SLC2A13: variants seen among roughly 807,000 people sequenced by gnomAD.
SLC2A13 encodes the protein solute carrier family 2 member 13.
A neutral mutation model predicts 64.4 loss-of-function variants in SLC2A13; 32 were observed. The observed-to-expected ratio is 0.50, with a 90% confidence interval of 0.37 to 0.67. The LOEUF (loss-of-function observed/expected upper bound fraction) is 0.67. Among genes scored for constraint, SLC2A13 ranks in the 30% least tolerant of loss-of-function variants. The pLI is 0.00. For missense variants in SLC2A13, 743 were observed against 829.2 expected, an observed-to-expected ratio of 0.90 and a Z score of 1.28; for synonymous variants, 338 against 327.1, an observed-to-expected ratio of 1.03 and a Z score of -0.36.
intron 4 of SLC2A13, among the ~76,000 whole-genome samples, chr12:39,883,109 T>G (rs536313556): frequency 1.3e-5 from 2 of 152,210 alleles, no homozygotes; most frequent in Non-Finnish European, 2.9e-5. Flanking sequence ...TTTTAAAGTA[T>G]ATAATTCAGT....
At chr12:40,039,746 TC>T (rs1423035244) in intron 2 of SLC2A13, among the ~76,000 whole-genome samples, 2 of 152,184 alleles carry the variant, frequency 1.3e-5, no homozygotes, top group African/African-American at 4.8e-5. Flanking sequence ...ATGCATAGCC[TC>T]CCCAATTATC....
At chr12:40,031,140 G>C (rs1456825903) in intron 2 of SLC2A13, among the ~76,000 whole-genome samples, 1 of 152,198 alleles carries the variant, frequency 6.6e-6, no homozygotes, top group Admixed American at 6.5e-5. Context: ...ATGACAGAGA[G>C]GACACAGGAA....
intron 6 of SLC2A13, among the ~76,000 whole-genome samples, chr12:39,831,943 A>C (rs1213727019): frequency 6.6e-6 from 1 of 152,164 alleles, no homozygotes; most frequent in Admixed American, 6.6e-5. Flanking sequence ...AGTCTCAGGT[A>C]TTCCTTTATA....
intron 4 of SLC2A13, among the ~76,000 whole-genome samples, chr12:39,928,976 T>C (rs759289382): frequency 6.6e-6 from 1 of 152,170 alleles, no homozygotes; most frequent in Non-Finnish European, 1.5e-5. Context: ...CAAGATCCTT[T>C]GCCCTCCCCA....
intron 7 of SLC2A13, among the ~76,000 whole-genome samples, chr12:39,783,808 C>T (rs545612365): frequency 8.5e-5 from 13 of 152,118 alleles, no homozygotes; most frequent in African/African-American, 2.7e-4. Flanking sequence ...GATGACATGA[C>T]TGTATATTTA....
intron 6 of SLC2A13, among the ~76,000 whole-genome samples, chr12:39,852,890 T>A (rs936299515): frequency 1.3e-5 from 2 of 152,188 alleles, no homozygotes; most frequent in African/African-American, 4.8e-5. Context: ...TGTGGGCCAC[T>A]CCTTCATTCA....
chr12:40,045,894 CTTTT>C (rs540180064), intron 2 of SLC2A13, among the ~76,000 whole-genome samples: 3 of 152,126 alleles, frequency 2.0e-5, no homozygotes, highest in Non-Finnish European at 4.4e-5. Context: ...CACTTTAAAT[CTTTT>C]TTTCTCTAGT....
At chr12:40,093,385 T>G (rs1938829909) in intron 1 of SLC2A13, among the ~76,000 whole-genome samples, 1 of 152,176 alleles carries the variant, frequency 6.6e-6, no homozygotes, top group Non-Finnish European at 1.5e-5. Context: ...ATTAAATATT[T>G]ACTAGATGCC....
At position 39,825,765 on chromosome 12, in the gene SLC2A13, T is replaced by G. The variant is rs561909799; in HGVS notation, c.1445+4338A>C. Among the ~76,000 whole-genome samples, 12 of 152,302 alleles carry G rather than the reference T, an allele frequency of 7.9e-5. No homozygotes were observed. In the South Asian group the frequency reaches 2.3e-3, roughly 29 times the overall value. On this transcript the variant is annotated intron_variant, in intron 7 of 9. Coordinates refer to ENST00000280871, the MANE Select transcript of SLC2A13 (RefSeq NM_052885.4). ...TTTTATTAGTCTTCTTTAAGAACTTTTATTTTTTGATCCTTCCGAGTATTT... is the reference window on the plus strand; with the variant it reads ...TTTTATTAGTCTTCTTTAAGAACTTGTATTTTTTGATCCTTCCGAGTATTT...
intron 6 of SLC2A13, 24 bp from the exon 7 acceptor site, chr12:39,830,252 T>A: frequency 6.2e-7 from 1 of 1,606,934 alleles, no homozygotes; most frequent in Non-Finnish European, 8.5e-7. Flanking sequence ...AGAGTTACCG[T>A]CATGTTGGCA....
intron 7 of SLC2A13, among the ~76,000 whole-genome samples, chr12:39,804,924 GAGAA>G (rs1286729129): frequency 6.6e-6 from 1 of 152,190 alleles, no homozygotes; most frequent in Non-Finnish European, 1.5e-5. Flanking sequence ...ATGCTGGGCA[GAGAA>G]AGAAAACACT....
At chr12:39,769,227 C>T (rs1940472193) in intron 7 of SLC2A13, among the ~76,000 whole-genome samples, 1 of 152,044 alleles carries the variant, frequency 6.6e-6, no homozygotes, top group African/African-American at 2.4e-5. Context: ...TCAACTATTG[C>T]CTCAATTAAT....
intron 2 of SLC2A13, among the ~76,000 whole-genome samples, chr12:40,037,530 G>A (rs1267213250): frequency 6.6e-6 from 1 of 150,700 alleles, no homozygotes; most frequent in Non-Finnish European, 1.5e-5. Context: ...GAGCTGGGAG[G>A]ATCCCTTGAG....
At chr12:39,981,342 A>G (rs1479716291) in intron 3 of SLC2A13, among the ~76,000 whole-genome samples, 1 of 152,082 alleles carries the variant, frequency 6.6e-6, no homozygotes, top group Non-Finnish European at 1.5e-5. Context: ...AACTGAAGGA[A>G]ATAGAGACAC....
At chr12:39,976,583 T>G (rs1946763261) in intron 3 of SLC2A13, among the ~76,000 whole-genome samples, 1 of 151,984 alleles carries the variant, frequency 6.6e-6, no homozygotes, top group Admixed American at 6.6e-5. Flanking sequence ...TTTTAAAGAC[T>G]GGGGGGGTCT....
chr12:39,883,213 A>AT (rs1278818005), intron 4 of SLC2A13, among the ~76,000 whole-genome samples: 16 of 152,078 alleles, frequency 1.1e-4, no homozygotes, highest in Non-Finnish European at 1.3e-4. Flanking sequence ...GATTAAAGAA[A>AT]TTTTTTTTAA....
chr12:39,807,303 C>G (rs190036964), intron 7 of SLC2A13, among the ~76,000 whole-genome samples: 38 of 152,192 alleles, frequency 2.5e-4, no homozygotes, highest in Admixed American at 2.4e-3. Context: ...ACACACAAGC[C>G]TACATATGAT....
intron 4 of SLC2A13, among the ~76,000 whole-genome samples, chr12:39,878,718 G>C (rs1450886234): frequency 6.6e-6 from 1 of 152,236 alleles, no homozygotes; most frequent in Non-Finnish European, 1.5e-5. Flanking sequence ...AAAATTTGCA[G>C]CCTGGCCATG....
chr12:39,954,360 G>C (rs942111974), intron 3 of SLC2A13, among the ~76,000 whole-genome samples: 44 of 59,002 alleles, frequency 7.5e-4, no homozygotes, highest in African/African-American at 1.5e-3. Context: ...CAGAGAGGGA[G>C]GAGGAGAATC....
Sources: allele counts gnomAD v4.1 joint callset (sites outside exome capture counted in the v4.1 genomes callset), GRCh38; gene constraint gnomAD v4.1.1; transcripts MANE v1.5; gene names NCBI Gene and HGNC (gene_info 2026-07-23, HGNC 2026-07-21).